Variants in RPS6KC1 observed in about 807,000 individuals in gnomAD.
The protein encoded by RPS6KC1 is inactive ribosomal protein S6 kinase delta-1.
A neutral mutation model predicts 103.8 loss-of-function variants in RPS6KC1; 54 were observed. The ratio of observed to expected loss-of-function variants is 0.52; its 90% confidence interval spans 0.42 to 0.65. The LOEUF (loss-of-function observed/expected upper bound fraction) is 0.65, where lower values mean the gene tolerates loss of function less well. Ranked by LOEUF, RPS6KC1 falls within the 30% of genes least tolerant of loss-of-function variation. The pLI is 0.00. For synonymous variants in RPS6KC1, 439 were observed against 438.7 expected (o/e 1.00, Z -0.01); for missense variants, 1,151 against 1,253.8 (o/e 0.92, Z 1.24).
chr1:213,490,365 G>A, the RPS6KC1 span, among the ~76,000 whole-genome samples: 32,624 of 152,128 alleles, frequency 0.21, 4,414 homozygotes, highest in Admixed American at 0.33. Flanking sequence ...GGCTCTCAGA[G>A]GTGCCGGCTG....
At chr1:213,833,533 C>T in the RPS6KC1 span, among the ~76,000 whole-genome samples, 5 of 152,332 alleles carry the variant, frequency 3.3e-5, no homozygotes, top group Non-Finnish European at 7.4e-5. Context: ...GAGTTTCTCT[C>T]TGTGTGTCTT....
intron 8 of RPS6KC1, among the ~76,000 whole-genome samples, chr1:213,203,045 A>G (rs1210336061): frequency 6.6e-6 from 1 of 152,076 alleles, no homozygotes; most frequent in African/African-American, 2.4e-5. Context: ...TATGGGTCAA[A>G]CAGTATATAT....
At chr1:213,705,075 A>G in the RPS6KC1 span, among the ~76,000 whole-genome samples, 2 of 152,250 alleles carry the variant, frequency 1.3e-5, no homozygotes, top group African/African-American at 4.8e-5. Context: ...ACCTGAAGCC[A>G]GCATAGCACT....
chr1:213,335,027 A>G, the RPS6KC1 span, among the ~76,000 whole-genome samples: 1 of 152,208 alleles, frequency 6.6e-6, no homozygotes, highest in Admixed American at 6.5e-5. Context: ...ATTAAATCAA[A>G]TGACTTCCGC....
At chr1:213,779,288 G>C in the RPS6KC1 span, among the ~76,000 whole-genome samples, 2 of 152,102 alleles carry the variant, frequency 1.3e-5, no homozygotes, top group Admixed American at 1.3e-4. Context: ...ATAGTCTTTG[G>C]ATGGAAAGAC....
chr1:213,127,735 A>T (rs1201543370), intron 5 of RPS6KC1, among the ~76,000 whole-genome samples: 1 of 152,182 alleles, frequency 6.6e-6, no homozygotes, highest in East Asian at 1.9e-4. Flanking sequence ...TCTGTCTGCC[A>T]CTTTGGGTTT....
intron 6 of RPS6KC1, among the ~76,000 whole-genome samples, chr1:213,144,107 GTAAAGTTTCTT>G (rs1212480575): frequency 1.2e-4 from 18 of 152,000 alleles, no homozygotes; most frequent in African/African-American, 3.9e-4. Context: ...AATCACATTT[GTAAAGTTTCTT>G]TAGCCACGTA....
chr1:213,414,365 A>G, the RPS6KC1 span, among the ~76,000 whole-genome samples: 1 of 152,200 alleles, frequency 6.6e-6, no homozygotes, highest in Non-Finnish European at 1.5e-5. Flanking sequence ...TGTAGATATA[A>G]TTAAGGTAAG....
chr1:213,780,227 G>T, the RPS6KC1 span, among the ~76,000 whole-genome samples: 1 of 152,202 alleles, frequency 6.6e-6, no homozygotes, highest in East Asian at 1.9e-4. Flanking sequence ...TCATGGAATT[G>T]CCTGAGGCTT....
intron 8 of RPS6KC1, among the ~76,000 whole-genome samples, chr1:213,217,184 G>A (rs1371769161): frequency 6.6e-6 from 1 of 151,682 alleles, no homozygotes. Context: ...AAATGATAAA[G>A]GGGATATCAC....
intron 8 of RPS6KC1, among the ~76,000 whole-genome samples, chr1:213,196,295 T>G (rs1178755210): frequency 6.6e-6 from 1 of 152,226 alleles, no homozygotes; most frequent in Non-Finnish European, 1.5e-5. Flanking sequence ...GAGAATTGTC[T>G]ATTCATGTCC....
chr1:213,065,121 C>T (rs968270228), intron 1 of RPS6KC1, among the ~76,000 whole-genome samples: 26 of 151,598 alleles, frequency 1.7e-4, no homozygotes, highest in African/African-American at 5.6e-4. Flanking sequence ...GGATTACAGA[C>T]GTCTGCTACC....
At chr1:213,685,307 T>G in the RPS6KC1 span, among the ~76,000 whole-genome samples, 1 of 152,184 alleles carries the variant, frequency 6.6e-6, no homozygotes, top group African/African-American at 2.4e-5. Context: ...CTTTAATTTC[T>G]TCTTAAAAAT....
chr1:213,169,214 T>TTATGCTTTG (rs2091266243), intron 7 of RPS6KC1, among the ~76,000 whole-genome samples: 2 of 152,332 alleles, frequency 1.3e-5, no homozygotes, highest in South Asian at 4.1e-4. Flanking sequence ...CTACACATTT[T>TTATGCTTTG]TATGCTTTGT....
At position 213,262,555 on chromosome 1, in the gene RPS6KC1, A is replaced by G. The variant is rs144162177; in HGVS notation, c.2995-166A>G. Among the ~76,000 whole-genome samples, 11 of 152,310 alleles carry G rather than the reference A, an allele frequency of 7.2e-5. No individual in the cohort carries two copies. The East Asian group carries it at 1.7e-3, about 24-fold the overall frequency. On this transcript the variant is annotated intron_variant, in intron 13 of 14. Transcript: ENST00000366960. Reference sequence around the variant, plus strand: ...TCTTCATTTCAGTTAAAAGTTCTATAGGCTCACAGCCCTCATCCTAAACTG... The same window carrying G: ...TCTTCATTTCAGTTAAAAGTTCTATGGGCTCACAGCCCTCATCCTAAACTG...
At chr1:213,552,989 TC>T in the RPS6KC1 span, among the ~76,000 whole-genome samples, 1 of 140,986 alleles carries the variant, frequency 7.1e-6, no homozygotes, top group South Asian at 2.2e-4. Flanking sequence ...ATATTACCAT[TC>T]TTTTTTTTTT....
chr1:213,213,419 C>G (rs1369123942), intron 8 of RPS6KC1, among the ~76,000 whole-genome samples: 1 of 152,132 alleles, frequency 6.6e-6, no homozygotes, highest in East Asian at 1.9e-4. Context: ...ATTGGTTTGT[C>G]TATTCTTTAG....
chr1:213,106,102 A>G (rs977893043), intron 4 of RPS6KC1, among the ~76,000 whole-genome samples: 4 of 152,198 alleles, frequency 2.6e-5, no homozygotes, highest in Non-Finnish European at 5.9e-5. Flanking sequence ...GAAAGATTGG[A>G]CAGTTTAAGA....
the RPS6KC1 span, among the ~76,000 whole-genome samples, chr1:213,293,408 A>T: frequency 6.6e-6 from 1 of 152,156 alleles, no homozygotes; most frequent in East Asian, 1.9e-4. Context: ...AGACATTTTT[A>T]GCTGTGGATG....
Sources: allele counts gnomAD v4.1 joint callset (sites outside exome capture counted in the v4.1 genomes callset), GRCh38; gene constraint gnomAD v4.1.1; transcripts MANE v1.5; gene names NCBI Gene and HGNC (gene_info 2026-07-23, HGNC 2026-07-21).